SLC9B1: variants seen among roughly 807,000 people sequenced by gnomAD.
The protein encoded by SLC9B1 is sodium/hydrogen exchanger 9B1.
In SLC9B1, 32 loss-of-function variants were observed where a neutral mutation model predicts 51.7. That is an observed-to-expected ratio of 0.62 (90% CI 0.47 to 0.83). SLC9B1 has a LOEUF of 0.83. Among genes scored for constraint, SLC9B1 ranks in the 40% least tolerant of loss-of-function variants. The pLI is 0.00. For synonymous variants in SLC9B1, 145 were observed against 212.7 expected (o/e 0.68, Z 2.77); for missense variants, 406 against 613.2 (o/e 0.66, Z 3.57).
At chr4:102,934,620 G>A (rs2110461618) in intron 6 of SLC9B1, among the ~76,000 whole-genome samples, 1 of 152,138 alleles carries the variant, frequency 6.6e-6, no homozygotes, top group South Asian at 2.1e-4. Flanking sequence ...GAAACCAATA[G>A]CTGGGTGCAG....
At chr4:102,993,235 A>G (rs987130794) in intron 1 of SLC9B1, among the ~76,000 whole-genome samples, 3 of 152,228 alleles carry the variant, frequency 2.0e-5, no homozygotes, top group South Asian at 4.1e-4. Context: ...GCTTCTGCCT[A>G]TGAGCCTATA....
intron 1 of SLC9B1, among the ~76,000 whole-genome samples, chr4:103,004,878 C>T (rs1404610234): frequency 1.3e-5 from 2 of 152,094 alleles, no homozygotes; most frequent in Non-Finnish European, 2.9e-5. Context: ...TTCAGACAAA[C>T]AAATGCTAAG....
chr4:102,916,941 G>A (rs1735603396), intron 7 of SLC9B1, among the ~76,000 whole-genome samples: 2 of 152,228 alleles, frequency 1.3e-5, no homozygotes, highest in South Asian at 2.1e-4. Flanking sequence ...ACAGGAGAAT[G>A]ATGGATGAGT....
chr4:102,905,710 C>A, intron 10 of SLC9B1, 60 bp from the exon 11 acceptor site: 6 of 1,498,764 alleles, frequency 4.0e-6, no homozygotes, highest in South Asian at 1.2e-5. Flanking sequence ...GTTCTTCATG[C>A]CCAGGAATAT....
chr4:103,010,785 C>T (rs1462494594), intron 1 of SLC9B1, among the ~76,000 whole-genome samples: 2 of 152,168 alleles, frequency 1.3e-5, no homozygotes, highest in African/African-American at 2.4e-5. Flanking sequence ...TTTATGAGGG[C>T]AGAGCCCTCA....
chr4:102,944,370 T>A (rs1737165642), intron 6 of SLC9B1, among the ~76,000 whole-genome samples: 1 of 152,140 alleles, frequency 6.6e-6, no homozygotes, highest in African/African-American at 2.4e-5. Context: ...ATGTACCCCT[T>A]GAGCCGAAAT....
At chr4:102,943,327 G>T (rs1489903883) in intron 6 of SLC9B1, among the ~76,000 whole-genome samples, 1 of 151,940 alleles carries the variant, frequency 6.6e-6, no homozygotes, top group Admixed American at 6.6e-5. Flanking sequence ...CCAATACTGG[G>T]TATCTACCCA....
At chr4:102,885,742 A>T (rs1331746017) in intron 11 of SLC9B1, among the ~76,000 whole-genome samples, 1 of 152,224 alleles carries the variant, frequency 6.6e-6, no homozygotes, top group African/African-American at 2.4e-5. Flanking sequence ...CTTTGGTGTC[A>T]TAGTAAATAG....
chr4:103,009,063 A>G (rs10013062), intron 1 of SLC9B1, among the ~76,000 whole-genome samples: 58,952 of 152,014 alleles, frequency 0.39, 11,518 homozygotes, highest in Middle Eastern at 0.46. Context: ...CTCCCAAAGT[A>G]CTGGGATTAC....
chr4:102,955,612 C>G (rs1737744574), intron 3 of SLC9B1, among the ~76,000 whole-genome samples: 1 of 151,966 alleles, frequency 6.6e-6, no homozygotes, highest in Non-Finnish European at 1.5e-5. Flanking sequence ...GACAGAATTG[C>G]AGCTTTGCTA....
intron 3 of SLC9B1, among the ~76,000 whole-genome samples, chr4:102,951,040 C>A (rs1044170549): frequency 1.3e-4 from 20 of 152,146 alleles, no homozygotes; most frequent in African/African-American, 4.3e-4. Flanking sequence ...CAAAACAAAA[C>A]ACGGACAAGA....
chr4:102,943,652 CA>C (rs1300502888), intron 6 of SLC9B1, among the ~76,000 whole-genome samples: 1 of 151,996 alleles, frequency 6.6e-6, no homozygotes. Context: ...ATGAAAAAAC[CA>C]AACATTGTAT....
intron 2 of SLC9B1, among the ~76,000 whole-genome samples, 187 bp from the exon 3 acceptor site, chr4:102,990,128 AG>A (rs1234654417): frequency 6.6e-6 from 1 of 152,038 alleles, no homozygotes; most frequent in Non-Finnish European, 1.5e-5. Context: ...GTATTTTGCA[AG>A]GTACCTTGAT....
rs551688311 is a variant in SLC9B1 at position 102,928,381 on chromosome 4, C to A, written c.829+3743G>T. 1.3e-4 allele frequency among the ~76,000 whole-genome samples: 20 copies of A among 152,314 alleles called. 1 individual carries two copies. The South Asian group carries it at 3.9e-3, about 30-fold the overall frequency. On this transcript the variant is annotated intron_variant, in intron 7 of 11. Coordinates refer to ENST00000296422, the MANE Select transcript of SLC9B1 (RefSeq NM_139173.4). ...CCTTTACTTCAGTTCCCAACAAGTT[C>A]TTTATCTCCATCTCAGACCTCCTCA...
chr4:102,886,454 G>C (rs1733920725), intron 11 of SLC9B1, among the ~76,000 whole-genome samples: 1 of 151,742 alleles, frequency 6.6e-6, no homozygotes, highest in Non-Finnish European at 1.5e-5. Flanking sequence ...TCACGCCACT[G>C]CACTCCAGCC....
intron 3 of SLC9B1, among the ~76,000 whole-genome samples, chr4:102,966,640 T>G (rs1738442428): frequency 6.6e-6 from 1 of 152,164 alleles, no homozygotes; most frequent in Admixed American, 6.5e-5. Flanking sequence ...CTTAAAACCA[T>G]TCCGTCCTCC....
chr4:102,885,815 A>G (rs929532762), intron 11 of SLC9B1, among the ~76,000 whole-genome samples: 1 of 152,210 alleles, frequency 6.6e-6, no homozygotes, highest in Non-Finnish European at 1.5e-5. Context: ...TTTAATCTCT[A>G]ATCTTCAGGG....
At position 102,962,038 on chromosome 4, in the gene SLC9B1, C is replaced by T. The variant is rs562153717; in HGVS notation, c.212-12611G>A. On this transcript the variant is annotated intron_variant, in intron 3 of 11. Transcript: ENST00000296422. The stretch of plus-strand genomic sequence containing the variant: ...GGTGCCCACCCTGGCTCCTCCATTG[C>T]CTTGCTCTCAGCCCCTGGCATCCAG... The T allele has an allele frequency of 4.7e-4, 153 of 322,950 alleles. 1 individual carries two copies. Among genetic ancestry groups the T allele is most frequent in the Middle Eastern group, 3.3e-3 (3 of 918 alleles). 20.0% of individuals were successfully genotyped at this position (322,950 alleles called of 1,614,324 possible).
rs141412944 is a variant in SLC9B1, at chr4:102,974,242, G to GAAAAAAAAAAA, written c.211+15547_211+15557dup. 4.7e-3 allele frequency among the ~76,000 whole-genome samples: 248 copies of GAAAAAAAAAAA among 53,032 alleles called. 18 individuals are homozygous for GAAAAAAAAAAA. Among genetic ancestry groups the GAAAAAAAAAAA allele is most frequent in the East Asian group, 8.5e-3 (13 of 1,536 alleles). 34.8% of individuals were successfully genotyped at this position (53,032 alleles called of 152,430 possible). ...ACAGAGCAAGACTCTGTCTAAAATT[G>GAAAAAAAAAAA]AAAAAAAAAAAAAAAAAAAAAAAAT... is the stretch of plus-strand genomic sequence containing the variant. On this transcript the variant is annotated intron_variant, in intron 3 of 11. Transcript: ENST00000296422.
Sources: gnomAD v4.1 joint callset for allele counts (sites outside exome capture counted in the v4.1 genomes callset) on GRCh38, gnomAD v4.1.1 for gene constraint, MANE v1.5 for transcripts, NCBI Gene and HGNC (gene_info 2026-07-23, HGNC 2026-07-21) for gene names.